The following LMO1 variants were observed in gnomAD, a reference collection of about 807,000 sequenced individuals.
LMO1 encodes the protein rhombotin-1.
LMO1 carries 10 observed loss-of-function variants against 18.0 expected under a neutral mutation model. The ratio of observed to expected loss-of-function variants is 0.55; its 90% CI spans 0.34 to 0.94. The LOEUF is 0.94. Among genes scored for constraint, LMO1 ranks in the 40% least tolerant of loss-of-function variants. The pLI is 0.02. For synonymous variants in LMO1, 77 were observed against 77.9 expected (o/e 0.99, Z 0.06); for missense variants, 183 against 205.7 (o/e 0.89, Z 0.68).
At chr11:8,225,463 A>G (rs948720934) in intron 3 of LMO1, among the ~76,000 whole-genome samples, 3 of 151,370 alleles carry the variant, frequency 2.0e-5, no homozygotes, top group Non-Finnish European at 4.4e-5. Flanking sequence ...GAGGGATAAA[A>G]TGGTTGTTTT....
chr11:8,241,871 T>C (rs1846801254), intron 1 of LMO1, among the ~76,000 whole-genome samples: 1 of 152,154 alleles, frequency 6.6e-6, no homozygotes, highest in South Asian at 2.1e-4. Context: ...CTTGGGGCCC[T>C]ACATGCCTTG....
chr11:8,227,255 A>G (rs1952564900), intron 2 of LMO1, among the ~76,000 whole-genome samples, 155 bp from the exon 3 acceptor site: 2 of 152,272 alleles, frequency 1.3e-5, no homozygotes, highest in South Asian at 4.1e-4. Flanking sequence ...TGAGGGCAGC[A>G]TCTAGATTCT....
At chr11:8,267,022 C>G (rs1847268144), upstream of LMO1, among the ~76,000 whole-genome samples, 1 of 152,242 alleles carries the variant, frequency 6.6e-6, no homozygotes, top group Non-Finnish European at 1.5e-5. Context: ...ACAAAAGCAG[C>G]CAATGCACAG....
intron 3 of LMO1, among the ~76,000 whole-genome samples, chr11:8,225,827 C>T (rs1952529332): frequency 1.3e-5 from 2 of 152,212 alleles, no homozygotes; most frequent in African/African-American, 2.4e-5. Context: ...GACCAGCGTT[C>T]CCTGTAGGTC....
chr11:8,246,798 C>A (rs452348), intron 1 of LMO1, among the ~76,000 whole-genome samples: 5 of 151,900 alleles, frequency 3.3e-5, no homozygotes, highest in Non-Finnish European at 7.4e-5. Context: ...GTCAGCATAG[C>A]GGGGGAAATA....
At chr11:8,230,813 C>A (rs567931438) in intron 1 of LMO1, among the ~76,000 whole-genome samples, 1 of 151,872 alleles carries the variant, frequency 6.6e-6, no homozygotes, top group South Asian at 2.1e-4. Context: ...GGCCTCTATC[C>A]CCTGTGCGGT....
intron 1 of LMO1, among the ~76,000 whole-genome samples, chr11:8,259,321 T>G (rs1430922332): frequency 6.6e-6 from 1 of 152,040 alleles, no homozygotes; most frequent in African/African-American, 2.4e-5. Context: ...GGTGTGTGTG[T>G]GGGGTTGGGG....
At chr11:8,265,897 C>G (rs1287231557), upstream of LMO1, among the ~76,000 whole-genome samples, 1 of 152,222 alleles carries the variant, frequency 6.6e-6, no homozygotes, top group Admixed American at 6.5e-5. Flanking sequence ...CAGGGGCTGG[C>G]CCTGACCCAC....
At chr11:8,268,095 G>T (rs953165587), upstream of LMO1, among the ~76,000 whole-genome samples, 1 of 152,268 alleles carries the variant, frequency 6.6e-6, no homozygotes, top group African/African-American at 2.4e-5. Context: ...GGTGCGGGTC[G>T]CAGAGGCGCT....
intron 2 of LMO1, among the ~76,000 whole-genome samples, chr11:8,228,768 T>G (rs958355668): frequency 6.6e-6 from 1 of 152,194 alleles, no homozygotes; most frequent in Non-Finnish European, 1.5e-5. Flanking sequence ...CTCCAAGTCC[T>G]GTGAACCCAT....
At position 8,263,626 on chromosome 11, in the gene LMO1, G is replaced by A. The variant is rs1216218736; in HGVS notation, c.-264C>T. ...CAATTTAGAGAGAGAGGGAGAGGGA[G>A]AGAGAAGGGGGAAAAGAGGATCAGA... On this transcript the variant is annotated 5_prime_UTR_variant, in exon 1 of 4. Coordinates refer to ENST00000335790, the MANE Select transcript of LMO1 (RefSeq NM_002315.3). 2 of 1,351,074 alleles carry A rather than the reference G, an allele frequency of 1.5e-6. No individual in the cohort carries two copies. The highest frequency in any genetic ancestry group is 1.9e-6 in the Non-Finnish European group (2 of 1,056,446). 83.7% of individuals were successfully genotyped at this position (1,351,074 alleles called of 1,614,324 possible).
upstream of LMO1, among the ~76,000 whole-genome samples, chr11:8,267,296 A>G (rs900235633): frequency 2.6e-5 from 4 of 152,228 alleles, no homozygotes; most frequent in Admixed American, 6.5e-5. Context: ...GATGTTCAGT[A>G]CTAAAATTGA....
At chr11:8,265,018 C>A (rs1847246872), upstream of LMO1, among the ~76,000 whole-genome samples, 1 of 152,200 alleles carries the variant, frequency 6.6e-6, no homozygotes, top group African/African-American at 2.4e-5. Flanking sequence ...AATGATTTTT[C>A]TTCAGCCCAA....
chr11:8,246,323 A>T (rs1846893486), intron 1 of LMO1, among the ~76,000 whole-genome samples: 1 of 152,356 alleles, frequency 6.6e-6, no homozygotes, highest in African/African-American at 2.4e-5. Context: ...AATAAATAAA[A>T]CATGGTATAT....
At chr11:8,244,164 A>G (rs538067732) in intron 1 of LMO1, among the ~76,000 whole-genome samples, 1 of 151,280 alleles carries the variant, frequency 6.6e-6, no homozygotes, top group East Asian at 1.9e-4. Flanking sequence ...TGGAATAAGG[A>G]GCACCGGGAA....
At chr11:8,240,029 C>T (rs1846757800) in intron 1 of LMO1, among the ~76,000 whole-genome samples, 1 of 152,168 alleles carries the variant, frequency 6.6e-6, no homozygotes, top group Admixed American at 6.5e-5. Context: ...AGGCTGCTGG[C>T]CAGGAGGCAT....
rs560752593 is a variant in LMO1, at chr11:8,251,823, C to A, written c.25+11515G>T. 1.5e-4 allele frequency among the ~76,000 whole-genome samples: 22 copies of A among 148,314 alleles called. No individual in the cohort carries two copies. The South Asian group carries it at 3.7e-3, about 25-fold the overall frequency. On this transcript the variant is annotated intron_variant, in intron 1 of 3. Coordinates refer to ENST00000335790, the MANE Select transcript of LMO1 (RefSeq NM_002315.3). ...GCGTGTGTGAGTGTGTGTGAGAGTG[C>A]ATGTGTCTGCCTGTGTGGTGGGTGT...
At chr11:8,225,195 C>T (rs562273005) in intron 3 of LMO1, among the ~76,000 whole-genome samples, 3 of 151,682 alleles carry the variant, frequency 2.0e-5, no homozygotes, top group East Asian at 1.9e-4. Flanking sequence ...GGGTGGATCA[C>T]GAAGTCAGGA....
intron 1 of LMO1, among the ~76,000 whole-genome samples, chr11:8,261,961 T>C (rs930771152): frequency 7.2e-5 from 11 of 152,126 alleles, no homozygotes; most frequent in African/African-American, 2.7e-4. Context: ...CAGGTCCTCC[T>C]AGATGCCACC....
Sources: gnomAD v4.1 joint callset for allele counts (sites outside exome capture counted in the v4.1 genomes callset) on GRCh38, gnomAD v4.1.1 for gene constraint, MANE v1.5 for transcripts, NCBI Gene and HGNC (gene_info 2026-07-23, HGNC 2026-07-21) for gene names.